Variants in GMDS observed in about 807,000 individuals in gnomAD.
The protein encoded by GMDS is GDP-mannose 4,6 dehydratase.
Under a neutral mutation model 49.9 loss-of-function variants are expected in GMDS, and 20 were observed. The ratio of observed to expected loss-of-function variants is 0.40; its 90% CI spans 0.28 to 0.58. GMDS has a LOEUF of 0.58. Ranked by LOEUF, GMDS falls within the 20% of genes least tolerant of loss-of-function variation. The probability of loss-of-function intolerance (pLI) is 0.42; values close to 1 mark genes in which losing one functional copy is unlikely to be tolerated. For synonymous variants in GMDS, 177 were observed against 178.6 expected (o/e 0.99, Z 0.07); for missense variants, 362 against 481.4 (o/e 0.75, Z 2.32).
intron 7 of GMDS, among the ~76,000 whole-genome samples, chr6:1,791,429 G>A (rs74713479): frequency 0.059 from 9,000 of 152,126 alleles, 865 homozygotes; most frequent in African/African-American, 0.2. Flanking sequence ...TGGTGGGCTG[G>A]GGGAGAGCTC....
intron 1 of GMDS, among the ~76,000 whole-genome samples, chr6:2,227,846 G>A (rs3800189): frequency 0.13 from 19,458 of 152,206 alleles, 1,879 homozygotes; most frequent in East Asian, 0.42. Context: ...TCCCCTTGCT[G>A]TCCAGACATA....
intron 7 of GMDS, among the ~76,000 whole-genome samples, chr6:1,846,898 AC>A (rs1757438760): frequency 6.6e-6 from 1 of 152,138 alleles, no homozygotes. Flanking sequence ...GGAGGCAAAA[AC>A]TCCAGCAAAA....
rs140989175 is a variant in GMDS, at chr6:1,989,466, G to T, written c.346-28500C>A. ...CCCCAAAGAAGAAAGGCTAAGAAAGGCTTTGTGTTCACATGTTCATATTTT... is the reference window on the plus strand; with the variant it reads ...CCCCAAAGAAGAAAGGCTAAGAAAGTCTTTGTGTTCACATGTTCATATTTT... On this transcript the variant is annotated intron_variant, in intron 4 of 10. Transcript: ENST00000380815. Among the ~76,000 whole-genome samples, 600 of 152,258 alleles carry T rather than the reference G, an allele frequency of 3.9e-3. 9 individuals carry two copies. The highest frequency in any genetic ancestry group is 0.014 in the African/African-American group (568 of 41,544).
intron 9 of GMDS, among the ~76,000 whole-genome samples, chr6:1,702,543 T>G (rs1324520463): frequency 2.0e-5 from 3 of 152,138 alleles, no homozygotes; most frequent in Non-Finnish European, 4.4e-5. Flanking sequence ...TTGCTATGAC[T>G]GAAGCTCATT....
intron 1 of GMDS, among the ~76,000 whole-genome samples, chr6:2,179,730 T>C (rs1367799207): frequency 1.3e-5 from 2 of 152,342 alleles, no homozygotes; most frequent in South Asian, 4.1e-4. Flanking sequence ...TGCCAAAGTA[T>C]GTAAAATCAG....
intron 4 of GMDS, among the ~76,000 whole-genome samples, chr6:2,076,188 C>G (rs1013674860): frequency 1.3e-5 from 2 of 152,112 alleles, no homozygotes; most frequent in Non-Finnish European, 2.9e-5. Context: ...AAAATTTTCT[C>G]CCATTCTGTA....
In GMDS at chr6:1,778,123, T is replaced by C. The variant is rs188572987; in HGVS notation, c.772-35537A>G. On this transcript the variant is annotated intron_variant, in intron 7 of 10. Transcript: ENST00000380815. The surrounding 1 kb of genome is among the most constrained non-coding windows in gnomAD (Gnocchi z 4.6). ...TTTTGATAGAGTGCCAAAACAGTAC[T>C]GCATTCCTTAAAGAGCTGAATAAAG... Among the ~76,000 whole-genome samples the C allele has an allele frequency of 4.2e-3, 637 of 152,260 alleles. 4 individuals carry two copies. Among genetic ancestry groups the C allele is most frequent in the Non-Finnish European group, 6.5e-3 (444 of 68,008 alleles).
chr6:2,041,922 C>T lies in GMDS; in HGVS notation c.345+73849G>A, dbSNP rs552295659. Among the ~76,000 whole-genome samples, 5 of 152,194 alleles carry T rather than the reference C, an allele frequency of 3.3e-5. No homozygotes were observed. The South Asian group carries it at 6.2e-4, about 19-fold the overall frequency. Reference sequence around the variant, plus strand: ...CAAGAGCAGAGGTGACAATGCCACCCACAAATGTGACCATTTCCCACATGC... The same window carrying T: ...CAAGAGCAGAGGTGACAATGCCACCTACAAATGTGACCATTTCCCACATGC... On this transcript the variant is annotated intron_variant, in intron 4 of 10. Transcript: ENST00000380815.
chr6:1,881,779 T>C (rs1033136297), intron 7 of GMDS, among the ~76,000 whole-genome samples: 4 of 152,142 alleles, frequency 2.6e-5, no homozygotes, highest in South Asian at 2.1e-4. Context: ...ACCAAGAGCA[T>C]CTACTTTCCT....
intron 7 of GMDS, among the ~76,000 whole-genome samples, chr6:1,896,622 G>A (rs1238907967): frequency 2.0e-5 from 3 of 152,168 alleles, no homozygotes; most frequent in African/African-American, 7.2e-5. Context: ...ACCCATGTGA[G>A]GCGGGAGCAG....
intron 2 of GMDS, 136 bp downstream of exon 2, chr6:2,124,551 T>C: frequency 2.7e-6 from 2 of 735,114 alleles, no homozygotes; most frequent in East Asian, 2.7e-5. Flanking sequence ...CAAAGACACA[T>C]TCTTCCCCGG....
chr6:1,763,063 C>T (rs1768220471), intron 7 of GMDS, among the ~76,000 whole-genome samples: 1 of 152,192 alleles, frequency 6.6e-6, no homozygotes, highest in Non-Finnish European at 1.5e-5. Flanking sequence ...GGTAATTATA[C>T]TTTCTGCTCA....
At chr6:2,144,941 G>A (rs561138271) in intron 1 of GMDS, among the ~76,000 whole-genome samples, 1 of 152,204 alleles carries the variant, frequency 6.6e-6, no homozygotes, top group South Asian at 2.1e-4. Flanking sequence ...AAGCTTCCAC[G>A]AGGATAAGAA....
intron 9 of GMDS, among the ~76,000 whole-genome samples, chr6:1,672,271 G>C (rs530327448): frequency 6.6e-6 from 1 of 152,164 alleles, no homozygotes; most frequent in Admixed American, 6.5e-5. Context: ...GCCGTGATGC[G>C]TGAATGAGAG....
intron 9 of GMDS, among the ~76,000 whole-genome samples, chr6:1,644,389 T>G (rs569639934): frequency 6.6e-6 from 1 of 152,274 alleles, no homozygotes; most frequent in African/African-American, 2.4e-5. Context: ...TGTTGGCGTC[T>G]CACCATTGCC....
chr6:2,151,214 A>G (rs1304552945), intron 1 of GMDS, among the ~76,000 whole-genome samples: 1 of 152,132 alleles, frequency 6.6e-6, no homozygotes, highest in Non-Finnish European at 1.5e-5. Flanking sequence ...GTTTGAGATG[A>G]TGGACATTCC....
intron 7 of GMDS, among the ~76,000 whole-genome samples, chr6:1,746,736 C>G (rs112486214): frequency 2.6e-5 from 4 of 152,068 alleles, no homozygotes; most frequent in Non-Finnish European, 4.4e-5. Flanking sequence ...GAATCTTGCT[C>G]TGTCGCCCAG....
intron 4 of GMDS, among the ~76,000 whole-genome samples, chr6:1,974,929 T>C (rs1246058275): frequency 6.6e-6 from 1 of 150,904 alleles, no homozygotes; most frequent in Non-Finnish European, 1.5e-5. Flanking sequence ...TCCTAGCTAC[T>C]TGGGAGGCTG....
chr6:1,624,406 C>A, intron 10 of GMDS, 66 bp downstream of exon 10: 1 of 1,474,574 alleles, frequency 6.8e-7, no homozygotes, highest in East Asian at 2.3e-5. Flanking sequence ...GCGCCCGACC[C>A]TGAGAGCTGC....
Sources: allele counts gnomAD v4.1 joint callset (sites outside exome capture counted in the v4.1 genomes callset), GRCh38; gene constraint gnomAD v4.1.1; non-coding constraint Gnocchi (gnomAD v3.1); transcripts MANE v1.5; gene names NCBI Gene and HGNC (gene_info 2026-07-23, HGNC 2026-07-21).